CDK15: variants seen among roughly 807,000 people sequenced by gnomAD.
CDK15 encodes cyclin-dependent kinase 15.
CDK15 carries 62 observed loss-of-function variants against 60.3 expected under a neutral mutation model. The observed-to-expected ratio is 1.03, with a 90% CI of 0.84 to 1.27. The LOEUF is 1.27. CDK15 is among the 50% of genes most tolerant of loss of function. The probability of loss-of-function intolerance (pLI) is 0.00; values close to 1 mark genes in which losing one functional copy is unlikely to be tolerated. For synonymous variants in CDK15, 194 were observed against 195.7 expected, an observed-to-expected ratio of 0.99 and a Z score of 0.07; for missense variants, 541 against 527.8, an observed-to-expected ratio of 1.03 and a Z score of -0.25.
At chr2:201,891,004 C>A in intron 13 of CDK15, 77 bp downstream of exon 13, 1 of 730,012 alleles carries the variant, frequency 1.4e-6, no homozygotes, top group Non-Finnish European at 2.3e-6. Context: ...GGACATTGCT[C>A]AGGGATTCAG....
chr2:201,876,695 T>A, intron 11 of CDK15: 1 of 534,814 alleles, frequency 1.9e-6, no homozygotes, highest in South Asian at 1.8e-5. Context: ...TAGGTTCTGT[T>A]GGTTGAAATG....
At chr2:201,820,516 T>A (rs1293077798) in intron 4 of CDK15, among the ~76,000 whole-genome samples, 2 of 152,196 alleles carry the variant, frequency 1.3e-5, no homozygotes, top group African/African-American at 4.8e-5. Context: ...AGACGATGTC[T>A]CTTTTCCTAA....
In CDK15 at chr2:201,867,272, T is replaced by C. The variant is rs569702392; in HGVS notation, c.1010-5006T>C. Among the ~76,000 whole-genome samples, 37 of 152,298 alleles carry C rather than the reference T, an allele frequency of 2.4e-4. No individual in the cohort carries two copies. In the Middle Eastern group the frequency reaches 0.01, roughly 42 times the overall value. ...GGTGAGTGATAGACCCTGCCCTCTT[T>C]GCTAGACCAAAGGTCCTCTGCCTTA... On this transcript the variant is annotated intron_variant, in intron 10 of 13. Coordinates refer to ENST00000652192, the MANE Select transcript of CDK15 (RefSeq NM_001366386.2).
At chr2:201,807,734 G>A in intron 2 of CDK15, 91 bp downstream of exon 2, 2 of 1,569,194 alleles carry the variant, frequency 1.3e-6, no homozygotes, top group South Asian at 2.3e-5. Context: ...TACTGAGCGA[G>A]CCTTCCCAAG....
chr2:201,818,022 A>G (rs1696064700), intron 4 of CDK15, among the ~76,000 whole-genome samples: 1 of 152,210 alleles, frequency 6.6e-6, no homozygotes, highest in Non-Finnish European at 1.5e-5. Context: ...GTCTAGAAAC[A>G]CTTTTTTATT....
chr2:201,842,682 G>A (rs1697450128), intron 8 of CDK15, among the ~76,000 whole-genome samples: 1 of 152,090 alleles, frequency 6.6e-6, no homozygotes, highest in African/African-American at 2.4e-5. Flanking sequence ...CCCCTCTTAT[G>A]GAAGAATTTG....
intron 8 of CDK15, among the ~76,000 whole-genome samples, chr2:201,846,490 CAAA>C (rs72164831): frequency 2.4e-5 from 3 of 126,558 alleles, no homozygotes; most frequent in Admixed American, 8.1e-5. Flanking sequence ...AAGATTCCAC[CAAA>C]AAAAAAAAAA....
chr2:201,846,082 C>T (rs1697649555), intron 8 of CDK15, among the ~76,000 whole-genome samples: 1 of 152,004 alleles, frequency 6.6e-6, no homozygotes, highest in South Asian at 2.1e-4. Flanking sequence ...GAACATTTCC[C>T]ATTAAATCAG....
intron 8 of CDK15, among the ~76,000 whole-genome samples, chr2:201,846,930 A>G (rs1157498215): frequency 6.6e-6 from 1 of 152,212 alleles, no homozygotes; most frequent in East Asian, 1.9e-4. Flanking sequence ...AATTAAATTT[A>G]TAACAGCCCT....
rs947397573 is a variant in CDK15, at chr2:201,882,575, G to A, written c.1198+2408G>A. ...TCCTGCAGCGACATCTCGAATCCCCGAGGGAGAAGATGAAAGCGCCGGTGC... is the reference window on the plus strand; with the variant it reads ...TCCTGCAGCGACATCTCGAATCCCCAAGGGAGAAGATGAAAGCGCCGGTGC... On this transcript the variant is annotated intron_variant, in intron 12 of 13. Transcript: ENST00000652192. This position sits in a 1 kb window ranked among gnomAD's most constrained non-coding sequence, Gnocchi z 4.0. Among the ~76,000 whole-genome samples, 3 of 151,542 alleles carry A rather than the reference G, an allele frequency of 2.0e-5. No homozygotes were observed. The highest frequency in any genetic ancestry group is 4.4e-5 in the Non-Finnish European group (3 of 67,814).
chr2:201,811,278 G>T (rs1374981989), intron 3 of CDK15, among the ~76,000 whole-genome samples: 2 of 151,682 alleles, frequency 1.3e-5, no homozygotes, highest in African/African-American at 2.4e-5. Context: ...AGCCTCCCCA[G>T]TAGCTGGGAC....
rs1698065037 is a variant in CDK15, at chr2:201,854,666, A to C, written c.946-208A>C. 6 of 561,822 alleles carry C rather than the reference A, an allele frequency of 1.1e-5. No individual in the cohort carries two copies. In the South Asian group the frequency reaches 1.5e-4, roughly 14 times the overall value. The allele number at this position is 561,822 out of a possible 1,614,324, so 34.8% of individuals were successfully genotyped here. A position where few individuals can be genotyped will look rare whatever the true frequency, so the allele number is the denominator to read the frequency against. The stretch of plus-strand genomic sequence containing the variant: ...AGTAAGAATGCAGGCCCCGGACCAT[A>C]GGAATGTATTACAGTTTTGCCCAAG... On this transcript the variant is annotated intron_variant, in intron 9 of 13. Transcript: ENST00000652192.
chr2:201,814,495 C>T (rs547636759), intron 4 of CDK15, among the ~76,000 whole-genome samples: 2 of 152,230 alleles, frequency 1.3e-5, no homozygotes, highest in African/African-American at 4.8e-5. Context: ...TAAAAGAGCC[C>T]TCTCCCCTCA....
intron 8 of CDK15, among the ~76,000 whole-genome samples, chr2:201,843,177 G>C (rs1013043620): frequency 6.6e-6 from 1 of 152,014 alleles, no homozygotes; most frequent in South Asian, 2.1e-4. Context: ...GAAAAAATAA[G>C]ATAAATTGCA....
chr2:201,891,416 A>T (rs577450706), intron 13 of CDK15, among the ~76,000 whole-genome samples: 1 of 152,368 alleles, frequency 6.6e-6, no homozygotes, highest in African/African-American at 2.4e-5. Context: ...CTGTCAACTG[A>T]CAGGGCAAAA....
At chr2:201,819,544 G>A (rs2106164874) in intron 4 of CDK15, among the ~76,000 whole-genome samples, 1 of 152,324 alleles carries the variant, frequency 6.6e-6, no homozygotes, top group Middle Eastern at 3.4e-3. Flanking sequence ...TAACTCATTT[G>A]AGAAGGATAG....
At chr2:201,886,488 G>T (rs1337232871) in intron 12 of CDK15, among the ~76,000 whole-genome samples, 1 of 152,068 alleles carries the variant, frequency 6.6e-6, no homozygotes, top group Non-Finnish European at 1.5e-5. Context: ...ACCACGCCTG[G>T]CTAATTTTTG....
intron 8 of CDK15, among the ~76,000 whole-genome samples, chr2:201,845,876 C>A (rs1245159496): frequency 2.0e-5 from 3 of 150,076 alleles, no homozygotes; most frequent in East Asian, 3.9e-4. Context: ...AAGTATGGGG[C>A]CATGGGGATA....
chr2:201,824,357 T>G (rs1228871991), intron 6 of CDK15, among the ~76,000 whole-genome samples: 1 of 152,246 alleles, frequency 6.6e-6, no homozygotes, highest in Admixed American at 6.5e-5. Flanking sequence ...AACTAATATT[T>G]ATTTATGTAT....
Sources: gnomAD v4.1 joint callset for allele counts (sites outside exome capture counted in the v4.1 genomes callset) on GRCh38, gnomAD v4.1.1 for gene constraint, Gnocchi (gnomAD v3.1) non-coding constraint, MANE v1.5 for transcripts, NCBI Gene and HGNC (gene_info 2026-07-23, HGNC 2026-07-21) for gene names.